The following KDM5A variants were observed in gnomAD, a reference collection of about 807,000 sequenced individuals.
KDM5A encodes lysine-specific demethylase 5A.
KDM5A carries 42 observed loss-of-function variants against 193.5 expected under a neutral mutation model. The observed-to-expected ratio is 0.22, with a 90% CI of 0.17 to 0.28. The LOEUF (loss-of-function observed/expected upper bound fraction) is 0.28. KDM5A is among the 10% of genes least tolerant of loss of function. The pLI is 1.00. For missense variants in KDM5A, 1,692 were observed against 2,055.1 expected, an observed-to-expected ratio of 0.82 and a Z score of 3.42; for synonymous variants, 796 against 718.1, an observed-to-expected ratio of 1.11 and a Z score of -1.73.
rs12321513 is a variant in KDM5A, at chr12:377,223, T to C, written c.366+6808A>G. ...AGTTTGAAGAGAAGGGATGTTGAAC[T>C]AAAAAAGCTATAGGTAAGTAAACTA... is the stretch of plus-strand genomic sequence containing the variant. On this transcript the variant is annotated intron_variant, in intron 3 of 27. Transcript: ENST00000399788. 3.9e-5 allele frequency among the ~76,000 whole-genome samples: 6 copies of C among 152,074 alleles called. No individual in the cohort carries two copies. In the South Asian group the frequency reaches 1.2e-3, roughly 31 times the overall value.
intron 10 of KDM5A, 64 bp downstream of exon 10, chr12:350,557 G>A (rs1204386588): frequency 6.7e-7 from 1 of 1,490,210 alleles, no homozygotes; most frequent in Non-Finnish European, 9.4e-7. Context: ...GATCCCTTAA[G>A]ATAGTTTTCA....
intron 3 of KDM5A, among the ~76,000 whole-genome samples, chr12:372,674 T>C (rs186568476): frequency 2.0e-5 from 3 of 152,328 alleles, no homozygotes; most frequent in African/African-American, 4.8e-5. Context: ...TGTACTAGTT[T>C]TCAAAGGGAA....
In KDM5A at chr12:309,855, G is replaced by T. The variant is rs1169368061; in HGVS notation, c.3326C>A (p.Pro1109His). 1 of 1,613,892 alleles carries T rather than the reference G, an allele frequency of 6.2e-7. No homozygotes were observed. Among genetic ancestry groups the T allele is most frequent in the Non-Finnish European group, 8.5e-7 (1 of 1,179,996 alleles). Reference sequence around the variant, plus strand: ...CAATCCTTCCTCCAGATCACTCAGAGGCTCCAGGTCCAGATCCTTTTCTTT... The same window carrying T: ...CAATCCTTCCTCCAGATCACTCAGATGCTCCAGGTCCAGATCCTTTTCTTT... ...KEKEKDLDLE[P>H]LSDLEEGLEE... The change falls in exon 22 of 28, where the codon CCT becomes CAT. Residue 1109 changes from proline to histidine, a missense_variant. This residue lies in a region of KDM5A where 965 missense variants were observed against 1,061.0 expected (regional missense o/e 0.91). Coordinates refer to ENST00000399788, the MANE Select transcript of KDM5A (RefSeq NM_001042603.3).
At chr12:288,856 A>C (rs1349143262) in intron 27 of KDM5A, among the ~76,000 whole-genome samples, 1 of 152,262 alleles carries the variant, frequency 6.6e-6, no homozygotes, top group Non-Finnish European at 1.5e-5. Context: ...TTTCAGTGCC[A>C]AAACTGGGAA....
chr12:306,994 T>A lies in KDM5A; in HGVS notation c.4026A>T (p.Glu1342Asp), dbSNP rs768175484. The A allele has an allele frequency of 6.2e-7, 1 of 1,614,130 alleles. No individual in the cohort carries two copies. The highest frequency in any genetic ancestry group is 8.5e-7 in the Non-Finnish European group (1 of 1,180,014). ...CTCGAATGTCTTCATCAGAGTCTGTTTCTTCATCATCATAGTCCATTGTTT... is the reference window on the plus strand; with the variant it reads ...CTCGAATGTCTTCATCAGAGTCTGTATCTTCATCATCATAGTCCATTGTTT... ...PRQTMDYDDE[E>D]TDSDEDIRET... Residue 1342 changes from glutamate to aspartate, a missense_variant, in exon 24 of 28, where the codon GAA becomes GAT. Physicochemically the swap from Glu to Asp is conservative, Grantham distance 45 (BLOSUM62 2). This residue lies in a region of KDM5A where 965 missense variants were observed against 1,061.0 expected (regional missense o/e 0.91). Transcript: ENST00000399788.
At chr12:374,251 G>A (rs1023567264) in intron 3 of KDM5A, among the ~76,000 whole-genome samples, 7 of 152,152 alleles carry the variant, frequency 4.6e-5, no homozygotes, top group Admixed American at 2.0e-4. Flanking sequence ...CTTGCTTTAG[G>A]AATCTGGGTG....
At chr12:363,136 A>G (rs757852149) in intron 4 of KDM5A, 39 bp from the exon 5 acceptor site, 10 of 1,612,456 alleles carry the variant, frequency 6.2e-6, no homozygotes, top group Admixed American at 1.7e-5. Flanking sequence ...AGGTTCACTG[A>G]TAAGAAATCA....
intron 10 of KDM5A, among the ~76,000 whole-genome samples, chr12:349,514 G>C (rs1440079389): frequency 1.3e-5 from 2 of 151,304 alleles, no homozygotes; most frequent in East Asian, 3.9e-4. Flanking sequence ...ATTTTTAGTA[G>C]AGACGTGGTT....
intron 3 of KDM5A, among the ~76,000 whole-genome samples, chr12:367,678 G>T (rs530078364): frequency 2.0e-4 from 31 of 151,790 alleles, no homozygotes; most frequent in African/African-American, 7.5e-4. Context: ...CTCCAGCCTG[G>T]ACAGTAGAGT....
rs762509714 is a variant in KDM5A at position 328,868 on chromosome 12, T to C, written c.1935A>G (p.Glu645=). The change falls in exon 14 of 28, where the codon GAA becomes GAG. Residue 645 remains glutamate (E), a synonymous_variant. Transcript: ENST00000399788. ...VCKELTLMTE[E]ETRLRESVVQ... is the part of the protein sequence containing the mutation. ...CAACAGACTCTCTTAATCGTGTTTC[T>C]TCTTCAGTCATGAGAGTCAATTCTT... The C allele has an allele frequency of 5.0e-6, 8 of 1,614,070 alleles. No homozygotes were observed. The East Asian group carries it at 1.8e-4, about 36-fold the overall frequency.
chr12:330,085 G>GTGTGTGTGTGTGTGTGTATATATATATA (rs377271333), intron 13 of KDM5A, among the ~76,000 whole-genome samples: 312 of 139,322 alleles, frequency 2.2e-3, no homozygotes, highest in Non-Finnish European at 3.9e-3. Flanking sequence ...GTGTGTGTGT[G>GTGTGTGTGTGTGTGTGTATATATATATA]TATATATATA....
At chr12:289,637 C>A (rs2137360103) in intron 27 of KDM5A, among the ~76,000 whole-genome samples, 1 of 149,464 alleles carries the variant, frequency 6.7e-6, no homozygotes, top group South Asian at 2.1e-4. Context: ...ACTGCTGGAG[C>A]CCAGGAGATC....
intron 22 of KDM5A, among the ~76,000 whole-genome samples, chr12:308,703 T>A (rs116879854): frequency 1.3e-5 from 2 of 152,232 alleles, no homozygotes; most frequent in Non-Finnish European, 2.9e-5. Flanking sequence ...TAATTTCCAG[T>A]CCTACTTGTC....
intron 10 of KDM5A, among the ~76,000 whole-genome samples, chr12:339,892 T>G (rs1236037488): frequency 6.8e-6 from 1 of 147,112 alleles, no homozygotes; most frequent in Non-Finnish European, 1.5e-5. Flanking sequence ...TTTTTTTTTT[T>G]GAGACAGGAT....
chr12:384,689 T>C (rs895199209), intron 2 of KDM5A, among the ~76,000 whole-genome samples: 2 of 152,194 alleles, frequency 1.3e-5, no homozygotes, highest in Non-Finnish European at 2.9e-5. Flanking sequence ...ATGTAAAAAG[T>C]TGTCATATTA....
chr12:308,091 C>T (rs538580186), intron 22 of KDM5A, 86 bp from the exon 23 acceptor site: 5 of 1,423,850 alleles, frequency 3.5e-6, no homozygotes, highest in Non-Finnish European at 4.9e-6. Context: ...GGATCTTTCT[C>T]CCAAGTTATC....
chr12:376,254 T>C (rs1944502560), intron 3 of KDM5A, among the ~76,000 whole-genome samples: 1 of 152,190 alleles, frequency 6.6e-6, no homozygotes. Flanking sequence ...GGCTGCTTTG[T>C]TTACCTACTC....
rs1350716473 is a variant in KDM5A, at chr12:283,499, T to C, written c.*1957A>G. The C allele has an allele frequency of 8.6e-6, 2 of 232,954 alleles. No homozygotes were observed. Among genetic ancestry groups the C allele is most frequent in the East Asian group, 6.1e-5 (1 of 16,450 alleles). The allele number at this position is 232,954 out of a possible 1,614,324, so 14.4% of individuals were successfully genotyped here. Reference sequence around the variant, plus strand: ...AAGAATGAATAAAAAGTAGGTAGTATGAACTTCAGAGAAAACATTTACAGA... The same window carrying C: ...AAGAATGAATAAAAAGTAGGTAGTACGAACTTCAGAGAAAACATTTACAGA... On this transcript the variant is annotated 3_prime_UTR_variant, in exon 28 of 28. Coordinates refer to ENST00000399788, the MANE Select transcript of KDM5A (RefSeq NM_001042603.3).
rs773466573 is a variant in KDM5A, at chr12:307,603, G to A, written c.3781C>T (p.Arg1261Trp). ...AGTTCATCTGTGGCTAGAGCCTGCC[G>A]CGCTCTATCTTGCCAACTCATAGCA... ...ERAMSWQDRA[R>W]QALATDELSS... The change falls in exon 23 of 28, where the codon CGG (arginine) becomes TGG (tryptophan). Residue 1261 changes from arginine (R) to tryptophan (W), a missense_variant. Arg to Trp is a moderately radical substitution (Grantham distance 101, BLOSUM62 -3). Around this residue, in one of 11 missense-constraint regions of KDM5A, gnomAD observed 965 missense variants for 1,061.0 expected, o/e 0.91. Coordinates refer to ENST00000399788, the MANE Select transcript of KDM5A (RefSeq NM_001042603.3). This position sits in a 1 kb window ranked among gnomAD's most constrained non-coding sequence, Gnocchi z 4.3. The A allele has an allele frequency of 3.1e-6, 5 of 1,614,084 alleles. No homozygotes were observed. The highest frequency in any genetic ancestry group is 1.3e-5 in the African/African-American group (1 of 74,996).
Sources: allele counts gnomAD v4.1 joint callset (sites outside exome capture counted in the v4.1 genomes callset), GRCh38; gene constraint gnomAD v4.1.1; regional missense constraint gnomAD v4.1.1; non-coding constraint Gnocchi (gnomAD v3.1); transcripts MANE v1.5; gene names NCBI Gene and HGNC (gene_info 2026-07-23, HGNC 2026-07-21).